TESK2: variants seen among roughly 807,000 people sequenced by gnomAD.
TESK2 encodes the protein dual specificity testis-specific protein kinase 2.
Under a neutral mutation model 57.1 loss-of-function variants are expected in TESK2, and 39 were observed. The observed-to-expected ratio is 0.68, with a 90% confidence interval of 0.53 to 0.89. The LOEUF is 0.89. Ranked by LOEUF, TESK2 falls within the 40% of genes least tolerant of loss-of-function variation. The pLI, the probability that TESK2 is intolerant of heterozygous loss-of-function variation, is 0.00. For synonymous variants in TESK2, 249 were observed against 267.9 expected (o/e 0.93, Z 0.69); for missense variants, 646 against 732.1 (o/e 0.88, Z 1.36).
chr1:45,479,823 T>C (rs947817758), intron 1 of TESK2, among the ~76,000 whole-genome samples: 11 of 139,134 alleles, frequency 7.9e-5, no homozygotes, highest in African/African-American at 3.0e-4. Flanking sequence ...CTTTTTTTTT[T>C]TTTTTTTTTT....
chr1:45,363,768 A>G (rs917963828), intron 4 of TESK2, among the ~76,000 whole-genome samples: 8 of 152,294 alleles, frequency 5.3e-5, no homozygotes, highest in African/African-American at 1.9e-4. Context: ...ATGAAGCTAA[A>G]AAGTTAAGAT....
At chr1:45,369,807 GTTCA>G (rs1648102857) in intron 4 of TESK2, among the ~76,000 whole-genome samples, 7 of 152,020 alleles carry the variant, frequency 4.6e-5, no homozygotes, top group Admixed American at 4.6e-4. Context: ...CACCTCCTGG[GTTCA>G]AGCAATTCTC....
At chr1:45,451,756 G>A (rs562901088) in intron 2 of TESK2, among the ~76,000 whole-genome samples, 16 of 152,216 alleles carry the variant, frequency 1.1e-4, no homozygotes, top group African/African-American at 3.1e-4. Flanking sequence ...TTTGGTGGCT[G>A]GGAGTGGTGG....
At chr1:45,384,593 A>ATTTTTTTTTTTTTTTTTTTTTTTT (rs59988269) in intron 4 of TESK2, among the ~76,000 whole-genome samples, 1 of 70,866 alleles carries the variant, frequency 1.4e-5, no homozygotes, top group African/African-American at 5.7e-5. Flanking sequence ...CTAATTATTA[A>ATTTTTTTTTTTTTTTTTTTTTTTT]TTTTTTTTTT....
intron 1 of TESK2, among the ~76,000 whole-genome samples, chr1:45,460,556 A>C (rs1258372148): frequency 6.6e-6 from 1 of 151,988 alleles, no homozygotes; most frequent in Non-Finnish European, 1.5e-5. Flanking sequence ...ATAAAATAAA[A>C]TAGGGTCGGG....
intron 1 of TESK2, among the ~76,000 whole-genome samples, chr1:45,472,586 G>A (rs1652814293): frequency 6.7e-6 from 1 of 148,994 alleles, no homozygotes; most frequent in Admixed American, 6.7e-5. Context: ...AGGTGATCAA[G>A]TAGACATATG....
At chr1:45,405,745 C>T (rs1181675055) in intron 3 of TESK2, among the ~76,000 whole-genome samples, 2 of 151,194 alleles carry the variant, frequency 1.3e-5, no homozygotes, top group African/African-American at 2.4e-5. Flanking sequence ...GTGGTGTATA[C>T]GTGTAGTCCC....
chr1:45,464,652 G>A (rs149154412), intron 1 of TESK2, among the ~76,000 whole-genome samples: 4 of 152,190 alleles, frequency 2.6e-5, no homozygotes, highest in Admixed American at 6.5e-5. Flanking sequence ...TGTTTCATTC[G>A]TAACAAAATA....
intron 1 of TESK2, among the ~76,000 whole-genome samples, chr1:45,486,408 A>G (rs907946600): frequency 2.0e-5 from 3 of 152,202 alleles, no homozygotes; most frequent in African/African-American, 4.8e-5. Context: ...TCTCCTCAAA[A>G]TAAGTCCGGG....
intron 9 of TESK2, 146 bp downstream of exon 9, chr1:45,346,547 G>GGGA (rs1166936330): frequency 4.5e-6 from 3 of 664,924 alleles, no homozygotes; most frequent in East Asian, 5.4e-5. Context: ...AGCTGCCAGA[G>GGGA]GGAGGAGGAG....
intron 2 of TESK2, among the ~76,000 whole-genome samples, chr1:45,442,085 C>T (rs763655998): frequency 6.6e-6 from 1 of 152,082 alleles, no homozygotes; most frequent in Non-Finnish European, 1.5e-5. Flanking sequence ...TACACGCATG[C>T]ACCACCATGC....
intron 1 of TESK2, among the ~76,000 whole-genome samples, chr1:45,481,608 G>A (rs1338885409): frequency 6.6e-6 from 1 of 151,974 alleles, no homozygotes; most frequent in Non-Finnish European, 1.5e-5. Context: ...TGAAACTACA[G>A]GCAAAGCTGT....
intron 1 of TESK2, among the ~76,000 whole-genome samples, chr1:45,467,556 T>G (rs1570759819): frequency 6.6e-6 from 1 of 152,122 alleles, no homozygotes; most frequent in South Asian, 2.1e-4. Flanking sequence ...GGTCTCAAAC[T>G]CCTGACCTCA....
intron 4 of TESK2, among the ~76,000 whole-genome samples, chr1:45,361,202 T>C (rs887968511): frequency 1.3e-5 from 2 of 152,188 alleles, no homozygotes; most frequent in Non-Finnish European, 2.9e-5. Context: ...TCAGCTGGTG[T>C]GGCCTCTAAA....
At chr1:45,387,130 TG>T (rs1648933578) in intron 3 of TESK2, among the ~76,000 whole-genome samples, 1 of 152,144 alleles carries the variant, frequency 6.6e-6, no homozygotes, top group Non-Finnish European at 1.5e-5. Flanking sequence ...TAGCAAGACC[TG>T]GTGGTAAAAA....
At chr1:45,451,191 A>T (rs1651855340) in intron 2 of TESK2, among the ~76,000 whole-genome samples, 1 of 152,130 alleles carries the variant, frequency 6.6e-6, no homozygotes, top group Admixed American at 6.6e-5. Flanking sequence ...CCATAGATTC[A>T]TGATTTTATA....
rs760088342 is a variant in TESK2 at position 45,345,924 on chromosome 1, T to C, written c.950A>G (p.Gln317Arg). The stretch of plus-strand genomic sequence containing the variant: ...CCTATCCCTCTCCTGCTCTTCTTCC[T>C]GTAGGCGGCTCAGAATTTCCTCCAG... ...KTLEEILSRL[Q>R]EEEQERDRKL... is the part of the protein sequence containing the mutation. Residue 317 changes from glutamine (Q) to arginine (R), a missense_variant, in exon 10 of 11, where the codon CAG (glutamine) becomes CGG (arginine). Coordinates refer to ENST00000372086, the MANE Select transcript of TESK2 (RefSeq NM_007170.3). 1.2e-6 allele frequency: 2 copies of C among 1,614,150 alleles called. No homozygotes were observed. The highest frequency in any genetic ancestry group is 2.2e-5 in the East Asian group (1 of 44,874).
chr1:45,356,311 G>A (rs963727695), intron 4 of TESK2, among the ~76,000 whole-genome samples: 1 of 152,164 alleles, frequency 6.6e-6, no homozygotes, highest in African/African-American at 2.4e-5. Flanking sequence ...AGAGGAGTAG[G>A]TTTTTAGAAG....
chr1:45,360,010 G>A (rs1452688867), intron 4 of TESK2, among the ~76,000 whole-genome samples: 3 of 152,092 alleles, frequency 2.0e-5, no homozygotes, highest in Admixed American at 1.3e-4. Context: ...TGGAAGCGTC[G>A]GACCAGTTTT....
Sources: allele counts gnomAD v4.1 joint callset (sites outside exome capture counted in the v4.1 genomes callset), GRCh38; gene constraint gnomAD v4.1.1; transcripts MANE v1.5; gene names NCBI Gene and HGNC (gene_info 2026-07-23, HGNC 2026-07-21).